Variants in CHLSN observed in about 807,000 individuals in gnomAD.
CHLSN encodes the protein protein cholesin.
chr7:1,037,570 G>A, the CHLSN span, among the ~76,000 whole-genome samples: 2 of 146,638 alleles, frequency 1.4e-5, no homozygotes, highest in African/African-American at 4.9e-5. Context: ...AGGCTGGAGT[G>A]CAGTGGCGTG....
chr7:1,063,058 G>A, the CHLSN span, among the ~76,000 whole-genome samples: 12 of 152,066 alleles, frequency 7.9e-5, no homozygotes, highest in Admixed American at 1.3e-4. Context: ...CATCTGACCT[G>A]CCCCCTCCGT....
At chr7:1,080,710 C>A in the CHLSN span, among the ~76,000 whole-genome samples, 1 of 152,262 alleles carries the variant, frequency 6.6e-6, no homozygotes, top group African/African-American at 2.4e-5. Flanking sequence ...GGCTAAGGCA[C>A]CCAGGCTCAG....
chr7:997,538 C>G, the CHLSN span: 2 of 1,222,730 alleles, frequency 1.6e-6, no homozygotes, highest in African/African-American at 3.2e-5. Context: ...TGCTGGTGAA[C>G]CCGGCCCCCA....
At chr7:1,080,727 G>A in the CHLSN span, 7 of 152,404 alleles carry the variant, frequency 4.6e-5, no homozygotes, top group South Asian at 2.1e-4. Flanking sequence ...TCAGACTGCC[G>A]ACACATCGTT....
At chr7:1,004,132 G>C in the CHLSN span, among the ~76,000 whole-genome samples, 1 of 152,068 alleles carries the variant, frequency 6.6e-6, no homozygotes, top group African/African-American at 2.4e-5. Context: ...CTCCAGGGAG[G>C]TTTAATTTTA....
the CHLSN span, among the ~76,000 whole-genome samples, chr7:1,018,123 T>A: frequency 6.6e-6 from 1 of 152,020 alleles, no homozygotes; most frequent in African/African-American, 2.4e-5. Flanking sequence ...TGCCATCATC[T>A]CTGCTCTCTC....
chr7:1,098,939 C>T, the CHLSN span, among the ~76,000 whole-genome samples: 11 of 152,348 alleles, frequency 7.2e-5, no homozygotes, highest in South Asian at 2.1e-3. Flanking sequence ...GACTAAAAAT[C>T]ACCGAGGTAC....
the CHLSN span, among the ~76,000 whole-genome samples, chr7:1,044,390 T>G: frequency 6.6e-6 from 1 of 152,220 alleles, no homozygotes; most frequent in African/African-American, 2.4e-5. Context: ...CAACCAGCAC[T>G]GCCTCCACCG....
chr7:1,084,575 G>A, the CHLSN span, among the ~76,000 whole-genome samples: 6 of 152,178 alleles, frequency 3.9e-5, no homozygotes, highest in African/African-American at 7.2e-5. Flanking sequence ...AGGCAGTGCC[G>A]CCCCACCCTT....
the CHLSN span, among the ~76,000 whole-genome samples, chr7:1,068,586 G>A: frequency 1.3e-5 from 2 of 152,172 alleles, no homozygotes; most frequent in African/African-American, 4.8e-5. Flanking sequence ...GCAAGCTACA[G>A]AAGACCAGGC....
At chr7:1,015,203 G>C in the CHLSN span, among the ~76,000 whole-genome samples, 47 of 152,276 alleles carry the variant, frequency 3.1e-4, no homozygotes, top group African/African-American at 1.1e-3. Context: ...TTGTTTGGGG[G>C]GGCTGAGGGG....
chr7:1,043,375 C>G, the CHLSN span: 1 of 152,224 alleles, frequency 6.6e-6, no homozygotes, highest in African/African-American at 2.4e-5. Flanking sequence ...TTTTAGTAAT[C>G]CATAAAGTAA....
At chr7:1,110,125 C>T in the CHLSN span, among the ~76,000 whole-genome samples, 3 of 152,208 alleles carry the variant, frequency 2.0e-5, no homozygotes, top group Non-Finnish European at 4.4e-5. Flanking sequence ...CAGAGGACCT[C>T]GCGCCGGCCG....
chr7:1,032,791 A>G, the CHLSN span, among the ~76,000 whole-genome samples: 1 of 152,186 alleles, frequency 6.6e-6, no homozygotes, highest in African/African-American at 2.4e-5. Flanking sequence ...AAGAGAAAAC[A>G]CTGGTCGGAG....
the CHLSN span, among the ~76,000 whole-genome samples, chr7:1,014,352 G>A: frequency 2.2e-4 from 34 of 152,212 alleles, no homozygotes; most frequent in Non-Finnish European, 4.4e-4. Flanking sequence ...ACACAGAGAA[G>A]AAATGACACT....
At chr7:1,046,132 T>C in the CHLSN span, among the ~76,000 whole-genome samples, 1 of 152,230 alleles carries the variant, frequency 6.6e-6, no homozygotes. Flanking sequence ...TGGGGAAATA[T>C]GCTCGTGTAA....
chr7:1,050,456 T>C, the CHLSN span, among the ~76,000 whole-genome samples: 4 of 152,250 alleles, frequency 2.6e-5, no homozygotes, highest in Non-Finnish European at 4.4e-5. Context: ...CATCGGTCCC[T>C]GTGGCTTGGG....
At chr7:1,102,265 A>G in the CHLSN span, among the ~76,000 whole-genome samples, 1 of 152,274 alleles carries the variant, frequency 6.6e-6, no homozygotes, top group Non-Finnish European at 1.5e-5. Context: ...ACGGCTCTAG[A>G]GAGAAGCGAG....
the CHLSN span, among the ~76,000 whole-genome samples, chr7:1,007,554 G>A: frequency 3.9e-5 from 6 of 152,184 alleles, no homozygotes; most frequent in Non-Finnish European, 5.9e-5. Context: ...CTGGGCTTGC[G>A]GGCACCCTTG....
Sources: gnomAD v4.1 joint callset for allele counts (sites outside exome capture counted in the v4.1 genomes callset) on GRCh38, gnomAD v4.1.1 for gene constraint, MANE v1.5 for transcripts, NCBI Gene and HGNC (gene_info 2026-07-23, HGNC 2026-07-21) for gene names.